Variants in SP140L observed in about 807,000 individuals in gnomAD.
SP140L encodes the protein SP140 like nuclear body protein.
SP140L carries 64 observed loss-of-function variants against 84.3 expected under a neutral mutation model. That is an observed-to-expected ratio of 0.76 (90% CI 0.62 to 0.94). The LOEUF (loss-of-function observed/expected upper bound fraction) is 0.94. Ranked by LOEUF, SP140L falls within the 40% of genes least tolerant of loss-of-function variation. The pLI is 0.00. For missense variants in SP140L, 628 were observed against 692.5 expected (o/e 0.91, Z 1.05); for synonymous variants, 242 against 236.9 (o/e 1.02, Z -0.20).
chr2:230,400,091 G>T, intron 14 of SP140L, 36 bp from the exon 15 acceptor site: 15 of 1,611,328 alleles, frequency 9.3e-6, no homozygotes, highest in African/African-American at 1.3e-5. Context: ...TGAATCTTGT[G>T]ATTCCCAGTG....
chr2:230,388,740 C>T, intron 10 of SP140L, 107 bp downstream of exon 10: 1 of 870,224 alleles, frequency 1.1e-6, no homozygotes, highest in Non-Finnish European at 1.6e-6. Context: ...TTTTATGAAG[C>T]TATACTAACT....
Position 230,402,846 on chromosome 2 carries a change from A to G in SP140L, c.1693A>G (p.Lys565Glu). 6.2e-7 allele frequency: 1 copy of G among 1,613,360 alleles called. No homozygotes were observed. The highest frequency in any genetic ancestry group is 8.5e-7 in the Non-Finnish European group (1 of 1,179,820). The change falls in exon 19 of 19, where the codon AAG (lysine) becomes GAG (glutamate). Residue 565 changes from lysine to glutamate, a missense_variant. Around this residue, in one of 4 missense-constraint regions of SP140L, gnomAD observed 44 missense variants for 36.1 expected, o/e 1.22. Transcript: ENST00000415673. ...MGLRLEAEFE[K>E]DFKEVFAIQE... ...ACTTAGACTGGAGGCTGAATTTGAG[A>G]AGGATTTCAAGGAAGTGTTTGCTAT...
Position 230,366,551 on chromosome 2 carries a change from G to GT in SP140L, c.524-4348dup, listed in dbSNP as rs961281579. Among the ~76,000 whole-genome samples the GT allele has an allele frequency of 4.1e-3, 612 of 150,264 alleles. 9 individuals carry two copies. Among genetic ancestry groups the GT allele is most frequent in the African/African-American group, 0.014 (573 of 41,028 alleles). ...TGTCTTGTAGGCCATAGATACTTGAGTTTTTTTTTATTATTATTCATTCAG... is the reference window on the plus strand; with the variant it reads ...TGTCTTGTAGGCCATAGATACTTGAGTTTTTTTTTTATTATTATTCATTCAG... On this transcript the variant is annotated intron_variant, in intron 5 of 18. Transcript: ENST00000415673.
chr2:230,342,858 C>A (rs1278325220), intron 2 of SP140L, among the ~76,000 whole-genome samples: 1 of 151,988 alleles, frequency 6.6e-6, no homozygotes, highest in East Asian at 1.9e-4. Context: ...TTTTGTTGAT[C>A]TTTTCTACTG....
At chr2:230,389,267 A>T (rs920585593) in intron 10 of SP140L, among the ~76,000 whole-genome samples, 80 of 152,154 alleles carry the variant, frequency 5.3e-4, no homozygotes, top group Non-Finnish European at 4.4e-5. Flanking sequence ...TTAGCTGCTC[A>T]TCCTCCTGGA....
intron 3 of SP140L, among the ~76,000 whole-genome samples, chr2:230,358,197 A>C (rs796086216): frequency 2.1e-4 from 32 of 152,336 alleles, no homozygotes; most frequent in African/African-American, 7.5e-4. Context: ...AATGTTTTGT[A>C]GAATTCATAC....
At chr2:230,380,682 A>G (rs113202463) in intron 7 of SP140L, among the ~76,000 whole-genome samples, 1,949 of 152,262 alleles carry the variant, frequency 0.013, 52 homozygotes, top group African/African-American at 0.044. Context: ...TTGTTTTTCC[A>G]TGATAACTTA....
At chr2:230,398,133 A>G (rs1559463526) in intron 14 of SP140L, among the ~76,000 whole-genome samples, 1 of 152,206 alleles carries the variant, frequency 6.6e-6, no homozygotes, top group Non-Finnish European at 1.5e-5. Context: ...TTCTAAATTA[A>G]TCAATCTGGA....
intron 7 of SP140L, among the ~76,000 whole-genome samples, chr2:230,379,749 T>G (rs2061349094): frequency 6.6e-6 from 1 of 152,206 alleles, no homozygotes; most frequent in Admixed American, 6.5e-5. Context: ...TATTTATTTA[T>G]TCTCAGTATA....
chr2:230,383,472 T>C, intron 7 of SP140L, 38 bp from the exon 8 acceptor site: 1 of 1,542,410 alleles, frequency 6.5e-7, no homozygotes, highest in Non-Finnish European at 8.8e-7. Context: ...TTATATTTAT[T>C]CCTCTGTATA....
chr2:230,352,568 T>C (rs1419400131), intron 2 of SP140L, among the ~76,000 whole-genome samples: 1 of 152,120 alleles, frequency 6.6e-6, no homozygotes, highest in Non-Finnish European at 1.5e-5. Flanking sequence ...CCAGGTCCCT[T>C]TCCAACACAT....
chr2:230,364,735 C>T (rs898695250), intron 5 of SP140L, among the ~76,000 whole-genome samples: 22 of 152,046 alleles, frequency 1.4e-4, no homozygotes, highest in African/African-American at 5.3e-4. Flanking sequence ...AGAGGGAAAA[C>T]TTTCAACATT....
chr2:230,339,186 C>T (rs1378130239), intron 2 of SP140L, among the ~76,000 whole-genome samples: 3 of 151,792 alleles, frequency 2.0e-5, no homozygotes, highest in Non-Finnish European at 2.9e-5. Context: ...CTGTTATTGG[C>T]CTATTCAGAG....
At chr2:230,347,347 G>C (rs977764996) in intron 2 of SP140L, among the ~76,000 whole-genome samples, 1 of 152,072 alleles carries the variant, frequency 6.6e-6, no homozygotes, top group Admixed American at 6.5e-5. Context: ...TCACTGTCTG[G>C]GTTCTCTTCC....
chr2:230,387,658 G>A (rs6717687), intron 9 of SP140L, among the ~76,000 whole-genome samples: 108,471 of 152,058 alleles, frequency 0.71, 39,413 homozygotes, highest in South Asian at 0.75. Context: ...CCAGCACAAG[G>A]AGGAAGGAAC....
intron 3 of SP140L, 41 bp from the exon 4 acceptor site, chr2:230,358,923 A>G: frequency 6.7e-7 from 1 of 1,495,382 alleles, no homozygotes; most frequent in Non-Finnish European, 8.9e-7. Context: ...CTGTAACTTG[A>G]AAGTCTGTAT....
intron 2 of SP140L, among the ~76,000 whole-genome samples, chr2:230,353,677 TGAC>T (rs898345520): frequency 3.9e-5 from 6 of 152,108 alleles, no homozygotes; most frequent in African/African-American, 1.2e-4. Context: ...TCATCAATAT[TGAC>T]GATACCTTCG....
intron 14 of SP140L, 54 bp downstream of exon 14, chr2:230,396,852 G>A (rs2062073397): frequency 1.9e-6 from 3 of 1,601,316 alleles, no homozygotes; most frequent in Non-Finnish European, 2.6e-6. Flanking sequence ...CTTTCTCCAG[G>A]CATATGTTCT....
At chr2:230,360,944 T>G (rs1399075222) in intron 4 of SP140L, among the ~76,000 whole-genome samples, 1 of 152,210 alleles carries the variant, frequency 6.6e-6, no homozygotes, top group Admixed American at 6.5e-5. Context: ...TCTTTTAGTT[T>G]TTATTTAGGC....
Sources: gnomAD v4.1 joint callset for allele counts (sites outside exome capture counted in the v4.1 genomes callset) on GRCh38, gnomAD v4.1.1 for gene constraint, gnomAD v4.1.1 regional missense constraint, MANE v1.5 for transcripts, NCBI Gene and HGNC (gene_info 2026-07-23, HGNC 2026-07-21) for gene names.